Variants in ENTHD1 observed in about 807,000 individuals in gnomAD.
ENTHD1 encodes the protein ENTH domain containing 1.
A neutral mutation model predicts 39.1 loss-of-function variants in ENTHD1; 23 were observed. That is an observed-to-expected ratio of 0.59 (90% CI 0.42 to 0.83). The LOEUF is 0.83. ENTHD1 is among the 40% of genes least tolerant of loss of function. ENTHD1 has a pLI of 0.00. For missense variants in ENTHD1, 624 were observed against 705.4 expected, an observed-to-expected ratio of 0.88 and a Z score of 1.31; for synonymous variants, 230 against 258.2, an observed-to-expected ratio of 0.89 and a Z score of 1.05.
intron 1 of ENTHD1, among the ~76,000 whole-genome samples, chr22:39,891,510 T>C (rs900103190): frequency 7.9e-5 from 12 of 151,734 alleles, no homozygotes; most frequent in African/African-American, 2.4e-4. Context: ...CCTCACTATG[T>C]AGCCCAGGCT....
intron 3 of ENTHD1, among the ~76,000 whole-genome samples, chr22:39,851,063 A>G (rs896766834): frequency 2.6e-5 from 4 of 152,120 alleles, no homozygotes; most frequent in African/African-American, 9.7e-5. Flanking sequence ...TCTATAAATA[A>G]CTATTTCACC....
rs537858541 is a variant in ENTHD1 at position 39,891,378 on chromosome 22, TACTC to T, written c.-156+2313_-156+2316del. On this transcript the variant is annotated intron_variant, in intron 1 of 6. Coordinates refer to ENST00000325157, the MANE Select transcript of ENTHD1 (RefSeq NM_152512.4). ...CTAACAGCTAATTAGCAACAGTAGA[TACTC>T]AAGAAACATGTGTTGTGCAAATAAC... Among the ~76,000 whole-genome samples, 9 of 152,284 alleles carry T rather than the reference TACTC, an allele frequency of 5.9e-5. No individual in the cohort carries two copies. The East Asian group carries it at 1.7e-3, about 29-fold the overall frequency.
At position 39,888,260 on chromosome 22, in the gene ENTHD1, C is replaced by CTT. The variant is rs61092462; in HGVS notation, c.-155-359_-155-358dup. Among the ~76,000 whole-genome samples, 99 of 110,630 alleles carry CTT rather than the reference C, an allele frequency of 8.9e-4. 1 individual carries two copies. The highest frequency in any genetic ancestry group is 1.3e-3 in the Non-Finnish European group (72 of 57,232). The allele number at this position is 110,630 out of a possible 152,430, so 72.6% of individuals were successfully genotyped here. A position where few individuals can be genotyped will look rare whatever the true frequency, so the allele number is the denominator to read the frequency against. ...CTGACATCTCTTTCTTTCTTTCTTTCTTTTTTTTTTTTTTTTTTTTTTCCA... is the reference window on the plus strand; with the variant it reads ...CTGACATCTCTTTCTTTCTTTCTTTCTTTTTTTTTTTTTTTTTTTTTTTTCCA... On this transcript the variant is annotated intron_variant, in intron 1 of 6. Coordinates refer to ENST00000325157, the MANE Select transcript of ENTHD1 (RefSeq NM_152512.4).
chr22:39,852,263 C>G (rs2066047290), intron 3 of ENTHD1, among the ~76,000 whole-genome samples: 1 of 152,050 alleles, frequency 6.6e-6, no homozygotes, highest in African/African-American at 2.4e-5. Flanking sequence ...GGAGAATCAC[C>G]TGAGCCCAGG....
At chr22:39,781,366 G>A (rs1408336572) in intron 5 of ENTHD1, among the ~76,000 whole-genome samples, 7 of 152,052 alleles carry the variant, frequency 4.6e-5, no homozygotes, top group African/African-American at 1.7e-4. Context: ...ACCTTGGAAA[G>A]TTCACAAACA....
intron 5 of ENTHD1, among the ~76,000 whole-genome samples, chr22:39,772,237 C>T (rs1219368347): frequency 6.6e-6 from 1 of 152,126 alleles, no homozygotes; most frequent in African/African-American, 2.4e-5. Context: ...TAATAGGGTG[C>T]TCCTATGAGA....
intron 6 of ENTHD1, among the ~76,000 whole-genome samples, chr22:39,751,548 G>T (rs1297270402): frequency 6.6e-6 from 1 of 152,278 alleles, no homozygotes; most frequent in South Asian, 2.1e-4. Flanking sequence ...ATTAAAAGCT[G>T]AACACATACT....
chr22:39,775,152 T>C (rs2065357017), intron 5 of ENTHD1, among the ~76,000 whole-genome samples: 1 of 152,228 alleles, frequency 6.6e-6, no homozygotes, highest in Non-Finnish European at 1.5e-5. Context: ...TGACAAATAC[T>C]AAGTACAAGG....
intron 3 of ENTHD1, among the ~76,000 whole-genome samples, chr22:39,857,215 G>A (rs992115179): frequency 1.3e-5 from 2 of 152,002 alleles, no homozygotes; most frequent in Non-Finnish European, 2.9e-5. Flanking sequence ...GGCTGAGGCA[G>A]GCAGATCATC....
At chr22:39,876,897 C>A (rs2066294945) in intron 2 of ENTHD1, among the ~76,000 whole-genome samples, 1 of 152,128 alleles carries the variant, frequency 6.6e-6, no homozygotes, top group African/African-American at 2.4e-5. Flanking sequence ...ATTGAGTGAT[C>A]CTACCCCAAG....
intron 5 of ENTHD1, among the ~76,000 whole-genome samples, chr22:39,781,441 T>A (rs899112476): frequency 1.4e-4 from 22 of 152,022 alleles, no homozygotes; most frequent in Admixed American, 1.3e-3. Flanking sequence ...AAGAAGGAAA[T>A]TTAAAAATTT....
rs745909257 is a variant in ENTHD1, at chr22:39,743,743, C to G, written c.1760G>C (p.Ser587Thr). The change falls in exon 7 of 7, where the codon AGT (serine) becomes ACT (threonine). Residue 587 changes from serine (S) to threonine (T), a missense_variant. Physicochemically the swap from Ser to Thr is moderately conservative, Grantham distance 58. Transcript: ENST00000325157. ...CTGGGAAGACTGGCTTATTTGTGAA[C>G]TATTCAGACTCATGCTCATCAAGAT... Reference protein sequence around the residue: ...NNILMSMSLNSSQISQSSQVP... With the variant: ...NNILMSMSLNTSQISQSSQVP... The G allele has an allele frequency of 2.5e-6, 4 of 1,614,102 alleles. No homozygotes were observed. Among genetic ancestry groups the G allele is most frequent in the Admixed American group, 3.3e-5 (2 of 60,024 alleles).
At chr22:39,881,117 A>G (rs1227054845) in intron 2 of ENTHD1, among the ~76,000 whole-genome samples, 1 of 152,244 alleles carries the variant, frequency 6.6e-6, no homozygotes, top group Admixed American at 6.5e-5. Context: ...GCTTGCTAAT[A>G]AAAGAGCCCA....
intron 5 of ENTHD1, among the ~76,000 whole-genome samples, chr22:39,795,352 G>A (rs1441954923): frequency 6.6e-6 from 1 of 152,024 alleles, no homozygotes; most frequent in African/African-American, 2.4e-5. Context: ...TTCTTCATAA[G>A]TTTGGTAGAA....
At chr22:39,855,045 T>G (rs921082379) in intron 3 of ENTHD1, among the ~76,000 whole-genome samples, 5 of 152,256 alleles carry the variant, frequency 3.3e-5, no homozygotes, top group Admixed American at 1.3e-4. Context: ...TAAACACTAC[T>G]GTTTCCTCAT....
chr22:39,891,946 G>C (rs1470525258), intron 1 of ENTHD1, among the ~76,000 whole-genome samples: 2 of 151,800 alleles, frequency 1.3e-5, no homozygotes, highest in Non-Finnish European at 2.9e-5. Flanking sequence ...TTTTAGACAC[G>C]AGTTCTTATT....
chr22:39,822,793 T>C (rs1329600906), intron 4 of ENTHD1, among the ~76,000 whole-genome samples: 1 of 152,236 alleles, frequency 6.6e-6, no homozygotes, highest in Non-Finnish European at 1.5e-5. Flanking sequence ...CATTAGAAAC[T>C]GCCAAACCAT....
intron 5 of ENTHD1, among the ~76,000 whole-genome samples, chr22:39,811,780 C>T (rs932640715): frequency 5.3e-5 from 8 of 151,912 alleles, no homozygotes; most frequent in Non-Finnish European, 1.2e-4. Flanking sequence ...GAGATCCAGA[C>T]CATCCTGGCT....
intron 5 of ENTHD1, among the ~76,000 whole-genome samples, chr22:39,817,446 T>C (rs534489217): frequency 6.6e-6 from 1 of 152,324 alleles, no homozygotes. Flanking sequence ...AGTGATATTC[T>C]TAAGTTAAAA....
Sources: gnomAD v4.1 joint callset for allele counts (sites outside exome capture counted in the v4.1 genomes callset) on GRCh38, gnomAD v4.1.1 for gene constraint, MANE v1.5 for transcripts, NCBI Gene and HGNC (gene_info 2026-07-23, HGNC 2026-07-21) for gene names.